SPAG1: variants seen among roughly 807,000 people sequenced by gnomAD.
SPAG1 encodes sperm-associated antigen 1.
In SPAG1, 69 loss-of-function variants were observed where a neutral mutation model predicts 100.5. The ratio of observed to expected loss-of-function variants is 0.69; its 90% confidence interval spans 0.57 to 0.84. SPAG1 has a LOEUF of 0.84. Among genes scored for constraint, SPAG1 ranks in the 40% least tolerant of loss-of-function variants. The pLI, the probability that SPAG1 is intolerant of heterozygous loss-of-function variation, is 0.00. For missense variants in SPAG1, 955 were observed against 1,133.1 expected, an observed-to-expected ratio of 0.84 and a Z score of 2.26; for synonymous variants, 336 against 411.6, an observed-to-expected ratio of 0.82 and a Z score of 2.22.
chr8:100,215,041 A>G (rs1817912251), intron 12 of SPAG1, among the ~76,000 whole-genome samples: 1 of 72,398 alleles, frequency 1.4e-5, no homozygotes, highest in Non-Finnish European at 2.6e-5. Context: ...ATATATATAT[A>G]TATATATATG....
At chr8:100,227,980 G>A (rs73280968) in intron 14 of SPAG1, among the ~76,000 whole-genome samples, 1 of 151,702 alleles carries the variant, frequency 6.6e-6, no homozygotes, top group East Asian at 1.9e-4. Flanking sequence ...GAGTAGCTGG[G>A]ACTACAGGTG....
chr8:100,180,723 A>G (rs575203928), intron 4 of SPAG1, among the ~76,000 whole-genome samples: 1 of 152,358 alleles, frequency 6.6e-6, no homozygotes, highest in South Asian at 2.1e-4. Flanking sequence ...TTCTCCAGTC[A>G]GATAAGCAAC....
At chr8:100,210,191 G>GTT (rs199845523) in intron 10 of SPAG1, among the ~76,000 whole-genome samples, 1 of 142,578 alleles carries the variant, frequency 7.0e-6, no homozygotes, top group Non-Finnish European at 1.5e-5. Flanking sequence ...AGTTTTCTGA[G>GTT]TTTTTTTTTT....
chr8:100,240,581 A>G lies in SPAG1; in HGVS notation c.2459A>G (p.Lys820Arg), dbSNP rs1322757927. The change falls in exon 18 of 19, where the codon AAG becomes AGG. Residue 820 changes from lysine to arginine, a missense_variant. Coordinates refer to ENST00000388798, the MANE Select transcript of SPAG1 (RefSeq NM_003114.5). ...ATTATAAATGCTCTCAGTACCAGGA[A>G]GGATAAAGAAGCCTGTGCACATCTT... is the stretch of plus-strand genomic sequence containing the variant. ...GQIINALSTR[K>R]DKEACAHLLA... 1 of 1,613,972 alleles carries G rather than the reference A, an allele frequency of 6.2e-7. No homozygotes were observed. Among genetic ancestry groups the G allele is most frequent in the South Asian group, 1.1e-5 (1 of 91,074 alleles).
intron 3 of SPAG1, among the ~76,000 whole-genome samples, chr8:100,172,668 A>G (rs10098952): frequency 7.2e-4 from 72 of 100,448 alleles, no homozygotes; most frequent in Admixed American, 2.0e-3. Context: ...GTGTGTGTGT[A>G]TGTGTGTGTG....
At chr8:100,179,717 C>T (rs1816284978) in intron 4 of SPAG1, among the ~76,000 whole-genome samples, 1 of 152,096 alleles carries the variant, frequency 6.6e-6, no homozygotes, top group South Asian at 2.1e-4. Flanking sequence ...CTTAAAAATA[C>T]CTTTGATAAA....
chr8:100,187,129 A>C lies in SPAG1; in HGVS notation c.711A>C (p.Ser237=). 6.2e-7 allele frequency: 1 copy of C among 1,609,148 alleles called. No homozygotes were observed. The highest frequency in any genetic ancestry group is 8.5e-7 in the Non-Finnish European group (1 of 1,177,704). Residue 237 remains serine, a synonymous_variant, in exon 8 of 19, where the codon TCA becomes TCC. Transcript: ENST00000388798. ...ACTGTTTCTTTTCTAGGAGCATATC[A>C]GCGCTTCCCACTGTAGTTGCCTATA... ...EAVMYYTRSI[S]ALPTVVAYNN...
chr8:100,193,250 A>G (rs1335050764), intron 9 of SPAG1, among the ~76,000 whole-genome samples: 2 of 152,206 alleles, frequency 1.3e-5, no homozygotes, highest in Non-Finnish European at 2.9e-5. Flanking sequence ...ACTTGATCCC[A>G]GGAGTTTAAG....
Position 100,240,771 on chromosome 8 carries a change from G to A in SPAG1, c.2649G>A (p.Lys883=), listed in dbSNP as rs761614388. The A allele has an allele frequency of 1.9e-6, 3 of 1,579,686 alleles. No individual in the cohort carries two copies. In the African/African-American group the frequency reaches 4.1e-5, roughly 22 times the overall value. ...LLYLSKAERF[K]MMLTLISKGQ... ...ACCTGAGTAAAGCAGAAAGGTTTAA[G>A]GTAAGTGGCTAAGTATTTTATTAGT... The change falls in exon 18 of 19, where the codon AAG becomes AAA. Residue 883 remains lysine (K), a splice_region_variant and synonymous_variant. Coordinates refer to ENST00000388798, the MANE Select transcript of SPAG1 (RefSeq NM_003114.5).
chr8:100,193,218 A>G (rs1279299298), intron 9 of SPAG1, among the ~76,000 whole-genome samples: 1 of 152,182 alleles, frequency 6.6e-6, no homozygotes, highest in Non-Finnish European at 1.5e-5. Flanking sequence ...CAAGCACTTC[A>G]GGAGGCTGAG....
intron 16 of SPAG1, among the ~76,000 whole-genome samples, chr8:100,236,781 G>A (rs1481041680): frequency 1.3e-5 from 2 of 152,066 alleles, no homozygotes; most frequent in African/African-American, 4.8e-5. Context: ...GGAGTATAGA[G>A]GTGAATAAAG....
chr8:100,177,419 T>C (rs573303331), intron 3 of SPAG1, among the ~76,000 whole-genome samples: 56 of 152,172 alleles, frequency 3.7e-4, no homozygotes, highest in Admixed American at 2.0e-3. Flanking sequence ...TGCATCTTCA[T>C]GTCTTTTTTT....
chr8:100,195,249 G>T (rs576449395), intron 10 of SPAG1, among the ~76,000 whole-genome samples: 5 of 152,034 alleles, frequency 3.3e-5, no homozygotes, highest in Non-Finnish European at 5.9e-5. Context: ...GGCAGTGGAG[G>T]GGGGAGATAT....
At chr8:100,177,981 G>C (rs1016069104) in intron 4 of SPAG1, 40 bp downstream of exon 4, 4 of 1,572,366 alleles carry the variant, frequency 2.5e-6, no homozygotes, top group African/African-American at 2.7e-5. Flanking sequence ...TAGCAGGAGA[G>C]GATTGCTGCT....
At chr8:100,160,886 G>A (rs981105747) in intron 1 of SPAG1, among the ~76,000 whole-genome samples, 1 of 152,190 alleles carries the variant, frequency 6.6e-6, no homozygotes, top group Non-Finnish European at 1.5e-5. Flanking sequence ...CTCTGTCATT[G>A]TATTCCAGCT....
chr8:100,160,250 A>G (rs1815248008), intron 1 of SPAG1, among the ~76,000 whole-genome samples: 1 of 152,212 alleles, frequency 6.6e-6, no homozygotes, highest in South Asian at 2.1e-4. Context: ...TTAGTCCTGG[A>G]GCTGTGAGGA....
At chr8:100,215,725 A>C (rs1023882374) in intron 12 of SPAG1, among the ~76,000 whole-genome samples, 1 of 151,992 alleles carries the variant, frequency 6.6e-6, no homozygotes, top group East Asian at 1.9e-4. Flanking sequence ...GGGGTTTCAC[A>C]GTGTTAGCCA....
At chr8:100,201,553 A>G (rs1347683909) in intron 10 of SPAG1, among the ~76,000 whole-genome samples, 1 of 152,192 alleles carries the variant, frequency 6.6e-6, no homozygotes, top group African/African-American at 2.4e-5. Flanking sequence ...GTGTGTGTGT[A>G]TATCCATATA....
At chr8:100,212,129 GTATT>G (rs1817742602) in intron 10 of SPAG1, among the ~76,000 whole-genome samples, 1 of 152,328 alleles carries the variant, frequency 6.6e-6, no homozygotes. Flanking sequence ...ATAGAAAACA[GTATT>G]TATTAATGTG....
Sources: allele counts gnomAD v4.1 joint callset (sites outside exome capture counted in the v4.1 genomes callset), GRCh38; gene constraint gnomAD v4.1.1; transcripts MANE v1.5; gene names NCBI Gene and HGNC (gene_info 2026-07-23, HGNC 2026-07-21).